The following TASP1 variants were observed in gnomAD, a reference collection of about 807,000 sequenced individuals.
TASP1 encodes the protein taspase 1.
Under a neutral mutation model 56.6 loss-of-function variants are expected in TASP1, and 16 were observed. The observed-to-expected ratio is 0.28, with a 90% CI of 0.19 to 0.43. The LOEUF (loss-of-function observed/expected upper bound fraction) is 0.43. Among genes scored for constraint, TASP1 ranks in the 20% least tolerant of loss-of-function variants. The pLI is 1.00. For synonymous variants in TASP1, 179 were observed against 184.2 expected (o/e 0.97, Z 0.23); for missense variants, 393 against 511.6 (o/e 0.77, Z 2.24).
chr20:13,467,477 T>C (rs1329783146), intron 11 of TASP1, among the ~76,000 whole-genome samples: 1 of 152,046 alleles, frequency 6.6e-6, no homozygotes, highest in Non-Finnish European at 1.5e-5. Context: ...CATTGCTTCA[T>C]AATTATTTGA....
At chr20:13,485,090 T>A (rs2043277376) in intron 10 of TASP1, among the ~76,000 whole-genome samples, 1 of 152,046 alleles carries the variant, frequency 6.6e-6, no homozygotes, top group Non-Finnish European at 1.5e-5. Flanking sequence ...GTAACAAAAC[T>A]GCACGTTCTG....
the TASP1 span, among the ~76,000 whole-genome samples, chr20:13,142,887 C>T: frequency 2.6e-5 from 4 of 152,010 alleles, no homozygotes; most frequent in African/African-American, 9.7e-5. Flanking sequence ...CGGAGAGTCT[C>T]CCTCACATCA....
the TASP1 span, among the ~76,000 whole-genome samples, chr20:13,309,705 C>T: frequency 1.3e-5 from 2 of 152,070 alleles, no homozygotes; most frequent in Admixed American, 6.5e-5. Context: ...ATCCTAAAGG[C>T]TCCACCAAAA....
chr20:13,617,421 T>C (rs573920646), intron 4 of TASP1, among the ~76,000 whole-genome samples: 1 of 152,186 alleles, frequency 6.6e-6, no homozygotes, highest in Non-Finnish European at 1.5e-5. Context: ...AAAGATATTA[T>C]CAATGGAAGA....
In TASP1 at chr20:13,417,638, T is replaced by C; in HGVS notation, c.1097-117A>G. Reference sequence around the variant, plus strand: ...TATTTAACACACTCAGTTCCCCACTTTCCATTTGCTTGTTCATAAATGTCA... The same window carrying C: ...TATTTAACACACTCAGTTCCCCACTCTCCATTTGCTTGTTCATAAATGTCA... On this transcript the variant is annotated intron_variant, in intron 12 of 13. Coordinates refer to ENST00000337743, the MANE Select transcript of TASP1 (RefSeq NM_017714.3). 2.9e-6 allele frequency: 3 copies of C among 1,019,094 alleles called. No homozygotes were observed. The South Asian group carries it at 5.3e-5, about 18-fold the overall frequency. 63.1% of individuals were successfully genotyped at this position (1,019,094 alleles called of 1,614,324 possible).
the TASP1 span, among the ~76,000 whole-genome samples, chr20:13,224,107 T>C: frequency 6.6e-6 from 1 of 152,240 alleles, no homozygotes; most frequent in Non-Finnish European, 1.5e-5. Context: ...TAGAAATATC[T>C]TGAGTCCCAA....
At chr20:13,481,623 G>A (rs2043145123) in intron 11 of TASP1, among the ~76,000 whole-genome samples, 1 of 152,104 alleles carries the variant, frequency 6.6e-6, no homozygotes. Context: ...TTTAACTGGG[G>A]TGAGATAACA....
chr20:13,164,029 T>A, the TASP1 span, among the ~76,000 whole-genome samples: 1 of 152,172 alleles, frequency 6.6e-6, no homozygotes, highest in South Asian at 2.1e-4. Flanking sequence ...GCATTAGGTA[T>A]ATCTCCTAAT....
chr20:13,330,332 T>G, the TASP1 span, among the ~76,000 whole-genome samples: 3 of 152,230 alleles, frequency 2.0e-5, no homozygotes, highest in Non-Finnish European at 4.4e-5. Flanking sequence ...CATGTGGAAT[T>G]ACATTGATTG....
the TASP1 span, among the ~76,000 whole-genome samples, chr20:13,320,954 T>C: frequency 3.3e-5 from 5 of 152,214 alleles, no homozygotes; most frequent in African/African-American, 7.2e-5. Context: ...ATCCCAGTAC[T>C]TTGGGAGGCC....
chr20:13,269,766 G>A, the TASP1 span, among the ~76,000 whole-genome samples: 115 of 152,220 alleles, frequency 7.6e-4, no homozygotes, highest in Non-Finnish European at 1.4e-3. Context: ...GGCAGTCACC[G>A]TTCTTTGATC....
At chr20:13,246,570 C>G in the TASP1 span, among the ~76,000 whole-genome samples, 11 of 152,140 alleles carry the variant, frequency 7.2e-5, no homozygotes, top group Non-Finnish European at 1.6e-4. Context: ...TCCAAAATGC[C>G]TTCACCACAT....
the TASP1 span, among the ~76,000 whole-genome samples, chr20:13,127,864 A>C: frequency 6.6e-6 from 1 of 152,182 alleles, no homozygotes; most frequent in Non-Finnish European, 1.5e-5. Flanking sequence ...ATGACTCTGC[A>C]TCCTATTGGT....
At position 13,569,577 on chromosome 20, in the gene TASP1, A is replaced by C; in HGVS notation, c.498T>G (p.Val166=). The C allele has an allele frequency of 1.2e-6, 2 of 1,612,086 alleles. No homozygotes were observed. The highest frequency in any genetic ancestry group is 1.7e-6 in the Non-Finnish European group (2 of 1,179,346). The change falls in exon 7 of 14, where the codon GTT becomes GTG. Residue 166 remains valine (V), a synonymous_variant. Transcript: ENST00000337743. ...CTGCCCATCTGTAGGCTCCTTCTCC[A>C]ACTAAAAAGCTAACAACAGAAAAAT... ...SAGRIPPCFL[V]GEGAYRWAVD... is the part of the protein sequence containing the mutation.
At chr20:13,378,513 A>T in the TASP1 span, among the ~76,000 whole-genome samples, 1 of 152,182 alleles carries the variant, frequency 6.6e-6, no homozygotes, top group African/African-American at 2.4e-5. Flanking sequence ...CAATTTTAAA[A>T]TAAGTGTGAT....
chr20:13,154,555 G>A, the TASP1 span, among the ~76,000 whole-genome samples: 3 of 152,274 alleles, frequency 2.0e-5, no homozygotes, highest in South Asian at 4.1e-4. Context: ...GCCGTCCTCA[G>A]AAGAGGACAT....
chr20:13,606,874 G>A (rs183711725), intron 4 of TASP1, among the ~76,000 whole-genome samples: 2 of 151,958 alleles, frequency 1.3e-5, no homozygotes, highest in East Asian at 1.9e-4. Flanking sequence ...GCAATGCCTG[G>A]CACATGGCAG....
intron 4 of TASP1, among the ~76,000 whole-genome samples, chr20:13,591,014 C>G (rs1475949830): frequency 1.4e-5 from 2 of 148,026 alleles, no homozygotes; most frequent in Non-Finnish European, 3.0e-5. Flanking sequence ...TAAAAATTAT[C>G]CAAATAAATG....
intron 10 of TASP1, among the ~76,000 whole-genome samples, chr20:13,518,610 C>T (rs955977660): frequency 9.2e-5 from 14 of 152,062 alleles, no homozygotes; most frequent in African/African-American, 2.9e-4. Flanking sequence ...CTCATCCGGG[C>T]TTCACTGGCT....
Sources: allele counts gnomAD v4.1 joint callset (sites outside exome capture counted in the v4.1 genomes callset), GRCh38; gene constraint gnomAD v4.1.1; transcripts MANE v1.5; gene names NCBI Gene and HGNC (gene_info 2026-07-23, HGNC 2026-07-21).